Variants in CDH18 observed in about 807,000 individuals in gnomAD.
The protein encoded by CDH18 is cadherin-18.
CDH18 carries 31 observed loss-of-function variants against 67.9 expected under a neutral mutation model. That is an observed-to-expected ratio of 0.46 (90% CI 0.34 to 0.62). CDH18 has a LOEUF of 0.62. Ranked by LOEUF, CDH18 falls within the 20% of genes least tolerant of loss-of-function variation. The pLI, the probability that CDH18 is intolerant of heterozygous loss-of-function variation, is 0.01. For synonymous variants in CDH18, 362 were observed against 347.2 expected (o/e 1.04, Z -0.48); for missense variants, 890 against 975.5 (o/e 0.91, Z 1.17).
At chr5:20,565,512 G>A (rs1443650213) in intron 1 of CDH18, among the ~76,000 whole-genome samples, 1 of 152,040 alleles carries the variant, frequency 6.6e-6, no homozygotes, top group Non-Finnish European at 1.5e-5. Flanking sequence ...CCATATCAAT[G>A]GTGACATCTC....
At chr5:19,853,493 G>A (rs1301963960) in intron 2 of CDH18, among the ~76,000 whole-genome samples, 1 of 152,094 alleles carries the variant, frequency 6.6e-6, no homozygotes, top group African/African-American at 2.4e-5. Context: ...TAAGTTACAT[G>A]TAAGGGCTTC....
chr5:20,116,691 A>C (rs189470305), intron 2 of CDH18, among the ~76,000 whole-genome samples: 22 of 152,286 alleles, frequency 1.4e-4, no homozygotes, highest in African/African-American at 5.3e-4. Context: ...CTTAGCAGTG[A>C]AAGTAGCAAA....
intron 2 of CDH18, among the ~76,000 whole-genome samples, chr5:19,960,100 A>G (rs1796643526): frequency 6.6e-6 from 1 of 152,042 alleles, no homozygotes; most frequent in Admixed American, 6.6e-5. Context: ...TAGTCTTTAT[A>G]AACACTGTAT....
intron 2 of CDH18, among the ~76,000 whole-genome samples, chr5:20,134,960 ATAAC>A (rs1749575160): frequency 6.6e-6 from 1 of 152,132 alleles, no homozygotes. Context: ...CTCCAGTGGC[ATAAC>A]TTTTTCCTTT....
intron 8 of CDH18, among the ~76,000 whole-genome samples, chr5:19,555,158 G>A (rs190930296): frequency 0.015 from 2,334 of 152,240 alleles, 46 homozygotes; most frequent in African/African-American, 0.052. Flanking sequence ...AGAGGAGGCA[G>A]GACTAACTTG....
chr5:19,722,376 C>G (rs1340243119), intron 4 of CDH18, among the ~76,000 whole-genome samples: 1 of 151,682 alleles, frequency 6.6e-6, no homozygotes, highest in African/African-American at 2.4e-5. Context: ...AAGTTCAAAT[C>G]TCATTCCTTT....
intron 10 of CDH18, among the ~76,000 whole-genome samples, chr5:19,520,351 T>C (rs913354059): frequency 1.2e-4 from 18 of 152,166 alleles, no homozygotes; most frequent in Non-Finnish European, 7.3e-5. Flanking sequence ...GAGAGAAACG[T>C]TTGCTATTTC....
intron 2 of CDH18, among the ~76,000 whole-genome samples, chr5:20,213,221 A>G (rs1740491954): frequency 6.6e-6 from 1 of 152,180 alleles, no homozygotes; most frequent in Admixed American, 6.6e-5. Flanking sequence ...AAGAGAGAGA[A>G]GAGATGGGAA....
intron 2 of CDH18, among the ~76,000 whole-genome samples, chr5:20,041,270 C>T (rs776438757): frequency 3.3e-5 from 5 of 152,144 alleles, no homozygotes; most frequent in Non-Finnish European, 5.9e-5. Flanking sequence ...GGCATCGGGA[C>T]ATCAAACAAA....
chr5:19,856,710 A>T (rs546487333), intron 2 of CDH18, among the ~76,000 whole-genome samples: 7 of 151,976 alleles, frequency 4.6e-5, no homozygotes, highest in South Asian at 4.2e-4. Flanking sequence ...GCAGCAAAAA[A>T]AAAAATAAAA....
upstream of CDH18, among the ~76,000 whole-genome samples, chr5:19,992,718 A>C (rs1800049852): frequency 6.6e-6 from 1 of 151,444 alleles, no homozygotes; most frequent in African/African-American, 2.4e-5. Context: ...GAAAAATGTC[A>C]TTTCTTTCTA....
rs544714105 is a variant in CDH18 at position 19,497,994 on chromosome 5, A to G, written c.1630+4998T>C. Among the ~76,000 whole-genome samples, 184 of 152,314 alleles carry G rather than the reference A, an allele frequency of 1.2e-3. 1 individual carries two copies. Among genetic ancestry groups the G allele is most frequent in the Non-Finnish European group, 2.0e-3 (136 of 68,030 alleles). On this transcript the variant is annotated intron_variant, in intron 11 of 12. Transcript: ENST00000382275. ...TTTTACTTACATCACAGCAAGGAGC[A>G]TAAGTTCTTCTTCAGATTTGTTTCC... is the stretch of plus-strand genomic sequence containing the variant.
At chr5:19,589,506 T>C (rs1484732276) in intron 7 of CDH18, among the ~76,000 whole-genome samples, 2 of 152,086 alleles carry the variant, frequency 1.3e-5, no homozygotes, top group African/African-American at 4.8e-5. Flanking sequence ...TGTATCCACA[T>C]CCTCATCCAT....
At chr5:20,459,831 C>T (rs1158122731) in intron 1 of CDH18, among the ~76,000 whole-genome samples, 1 of 152,160 alleles carries the variant, frequency 6.6e-6, no homozygotes, top group East Asian at 1.9e-4. Flanking sequence ...GACACACTAC[C>T]TAATTCAGCT....
At chr5:20,311,232 G>C (rs1460520172) in intron 1 of CDH18, among the ~76,000 whole-genome samples, 2 of 152,312 alleles carry the variant, frequency 1.3e-5, no homozygotes, top group East Asian at 3.9e-4. Context: ...GTGGAAGACA[G>C]TGTGGCGATT....
intron 11 of CDH18, among the ~76,000 whole-genome samples, chr5:19,495,697 C>CA: frequency 2.7e-5 from 1 of 37,408 alleles, no homozygotes; most frequent in South Asian, 8.1e-4. Flanking sequence ...ACAGCCTGGG[C>CA]AAAAAGAGTG....
chr5:19,740,706 T>C (rs1768999361), intron 4 of CDH18, among the ~76,000 whole-genome samples: 1 of 152,170 alleles, frequency 6.6e-6, no homozygotes, highest in African/African-American at 2.4e-5. Flanking sequence ...AATCATTCAC[T>C]TGACAGCTAA....
intron 1 of CDH18, among the ~76,000 whole-genome samples, chr5:20,340,027 G>A (rs1740124348): frequency 6.6e-6 from 1 of 152,140 alleles, no homozygotes; most frequent in Admixed American, 6.5e-5. Flanking sequence ...ACCAGAGAAT[G>A]GAGAAGGAAT....
intron 2 of CDH18, among the ~76,000 whole-genome samples, chr5:20,144,230 G>A (rs1204335529): frequency 6.6e-6 from 1 of 152,070 alleles, no homozygotes; most frequent in East Asian, 1.9e-4. Flanking sequence ...ACCTCTCTAG[G>A]AGGCATCTCG....
Sources: allele counts gnomAD v4.1 joint callset (sites outside exome capture counted in the v4.1 genomes callset), GRCh38; gene constraint gnomAD v4.1.1; transcripts MANE v1.5; gene names NCBI Gene and HGNC (gene_info 2026-07-23, HGNC 2026-07-21).